The following MLLT3 variants were observed in gnomAD, a reference collection of about 807,000 sequenced individuals.
MLLT3 encodes the protein protein AF-9.
A neutral mutation model predicts 53.2 loss-of-function variants in MLLT3; 4 were observed. The ratio of observed to expected loss-of-function variants is 0.08; its 90% CI spans 0.04 to 0.17. The LOEUF (loss-of-function observed/expected upper bound fraction) is 0.17. Ranked by LOEUF, MLLT3 falls within the 10% of genes least tolerant of loss-of-function variation. The pLI is 1.00. For missense variants in MLLT3, 569 were observed against 684.0 expected (o/e 0.83, Z 1.87); for synonymous variants, 283 against 230.6 (o/e 1.23, Z -2.06).
Position 20,506,722 on chromosome 9 carries a change from T to C in MLLT3, c.194-49936A>G, listed in dbSNP as rs1490382404. Among the ~76,000 whole-genome samples, 3 of 152,336 alleles carry C rather than the reference T, an allele frequency of 2.0e-5. No individual in the cohort carries two copies. In the East Asian group the frequency reaches 5.8e-4, roughly 29 times the overall value. On this transcript the variant is annotated intron_variant, in intron 2 of 10. Transcript: ENST00000380338. The stretch of plus-strand genomic sequence containing the variant: ...ATAGCTAAAATGATTCTGAGCTGTC[T>C]TCTGTCATTCAAGATGAACTCTACA...
At chr9:20,595,810 C>T (rs1040199677) in intron 2 of MLLT3, among the ~76,000 whole-genome samples, 6 of 152,174 alleles carry the variant, frequency 3.9e-5, no homozygotes, top group African/African-American at 1.4e-4. Flanking sequence ...TTTTATCCCT[C>T]ACAAAAGCAC....
In MLLT3 at chr9:20,370,651, C is replaced by T. The variant is rs549161292; in HGVS notation, c.1126-4907G>A. On this transcript the variant is annotated intron_variant, in intron 5 of 10. Coordinates refer to ENST00000380338, the MANE Select transcript of MLLT3 (RefSeq NM_004529.4). Reference sequence around the variant, plus strand: ...TCAGCCTCCCGAGTAGCTGGGATTACAGGTGTGCACCAACACGCCTAGCTA... The same window carrying T: ...TCAGCCTCCCGAGTAGCTGGGATTATAGGTGTGCACCAACACGCCTAGCTA... Among the ~76,000 whole-genome samples the T allele has an allele frequency of 2.6e-5, 4 of 152,150 alleles. No homozygotes were observed. The South Asian group carries it at 6.2e-4, about 24-fold the overall frequency.
In MLLT3 at chr9:20,344,338, T is replaced by C. The variant is rs964780187; in HGVS notation, c.*2105A>G. 5.0e-6 allele frequency: 1 copy of C among 201,676 alleles called. No individual in the cohort carries two copies. Among genetic ancestry groups the C allele is most frequent in the African/African-American group, 2.3e-5 (1 of 43,640 alleles). The allele number at this position is 201,676 out of a possible 1,614,324, so 12.5% of individuals were successfully genotyped here. ...AACTACACAGATATATTAAATCACA[T>C]AAACTTCTGGCTTGATCAGAATATG... On this transcript the variant is annotated 3_prime_UTR_variant, in exon 11 of 11. Transcript: ENST00000380338.
Position 20,620,845 on chromosome 9 carries a change from G to C in MLLT3, c.13-11C>G, listed in dbSNP as rs754570232. 3 of 1,613,872 alleles carry C rather than the reference G, an allele frequency of 1.9e-6. No individual in the cohort carries two copies. Among genetic ancestry groups the C allele is most frequent in the Admixed American group, 3.3e-5 (2 of 60,006 alleles). On this transcript the variant is annotated splice_polypyrimidine_tract_variant and intron_variant, in intron 1 of 10. Coordinates refer to ENST00000380338, the MANE Select transcript of MLLT3 (RefSeq NM_004529.4). This position sits in a 1 kb window ranked among gnomAD's most constrained non-coding sequence, Gnocchi z 6.1. Reference sequence around the variant, plus strand: ...CACCTGCACGGCACACTGCGGGCAGGGGGAGGAGAGACAGCCGTGAATAAC... The same window carrying C: ...CACCTGCACGGCACACTGCGGGCAGCGGGAGGAGAGACAGCCGTGAATAAC...
chr9:20,448,060 GT>G lies in MLLT3; in HGVS notation c.420+62del, dbSNP rs111349071. 65,324 of 1,126,778 alleles carry G rather than the reference GT, an allele frequency of 0.058. 3,757 individuals carry two copies. Among genetic ancestry groups the G allele is most frequent in the African/African-American group, 0.35 (23,027 of 65,150 alleles). 69.8% of individuals were successfully genotyped at this position (1,126,778 alleles called of 1,614,324 possible). ...TAACACATGAGGAACTAGTTTGTTT[GT>G]TTTTTTTTTTGTTGTTGTTGTTTTT... On this transcript the variant is annotated intron_variant, in intron 4 of 10. Transcript: ENST00000380338. This position sits in a 1 kb window ranked among gnomAD's most constrained non-coding sequence, Gnocchi z 4.0.
At chr9:20,459,899 G>C (rs151204178) in intron 2 of MLLT3, among the ~76,000 whole-genome samples, 3 of 152,098 alleles carry the variant, frequency 2.0e-5, no homozygotes, top group African/African-American at 7.2e-5. Context: ...CAAACAACAG[G>C]AACTTTTTAC....
intron 5 of MLLT3, among the ~76,000 whole-genome samples, chr9:20,404,404 T>A (rs187141455): frequency 6.6e-6 from 1 of 152,346 alleles, no homozygotes; most frequent in East Asian, 1.9e-4. Flanking sequence ...ATATTTTGCT[T>A]GAACTAATAC....
rs548060629 is a variant in MLLT3, at chr9:20,502,215, C to T, written c.194-45429G>A. 3 of 154,070 alleles carry T rather than the reference C, an allele frequency of 1.9e-5. No individual in the cohort carries two copies. In the South Asian group the frequency reaches 6.1e-4, roughly 31 times the overall value. The allele number at this position is 154,070 out of a possible 1,614,324, so 9.5% of individuals were successfully genotyped here. Reference sequence around the variant, plus strand: ...AAAAATTCCAGAGTATACAGAATGCCTGGCTTGACAGGGCACCACAAATGA... The same window carrying T: ...AAAAATTCCAGAGTATACAGAATGCTTGGCTTGACAGGGCACCACAAATGA... On this transcript the variant is annotated intron_variant, in intron 2 of 10. Transcript: ENST00000380338.
At chr9:20,375,759 C>A (rs1320579680) in intron 5 of MLLT3, among the ~76,000 whole-genome samples, 1 of 151,986 alleles carries the variant, frequency 6.6e-6, no homozygotes, top group Admixed American at 6.5e-5. Flanking sequence ...CAGGCACCTG[C>A]CACCACGCCC....
In MLLT3 at chr9:20,344,279, A is replaced by C. The variant is rs73428486; in HGVS notation, c.*2164T>G. 5.0e-6 allele frequency: 1 copy of C among 200,150 alleles called. No individual in the cohort carries two copies. The highest frequency in any genetic ancestry group is 2.3e-5 in the African/African-American group (1 of 43,622). 12.4% of individuals were successfully genotyped at this position (200,150 alleles called of 1,614,324 possible). A position where few individuals can be genotyped will look rare whatever the true frequency, so the allele number is the denominator to read the frequency against. On this transcript the variant is annotated 3_prime_UTR_variant, in exon 11 of 11. Coordinates refer to ENST00000380338, the MANE Select transcript of MLLT3 (RefSeq NM_004529.4). Reference sequence around the variant, plus strand: ...CCCACAATTTAGTTACAGAAATAAAAATGGCCCAAACTACATATATACGTT... The same window carrying C: ...CCCACAATTTAGTTACAGAAATAAACATGGCCCAAACTACATATATACGTT...
chr9:20,387,495 C>T (rs1403858704), intron 5 of MLLT3, among the ~76,000 whole-genome samples: 1 of 151,888 alleles, frequency 6.6e-6, no homozygotes, highest in Admixed American at 6.6e-5. Context: ...AAGCTTAACT[C>T]CTTCACTAGC....
chr9:20,430,158 G>C (rs976501268), intron 4 of MLLT3, among the ~76,000 whole-genome samples: 1 of 151,984 alleles, frequency 6.6e-6, no homozygotes, highest in African/African-American at 2.4e-5. Context: ...AATAAATAAA[G>C]CATAAAACTA....
intron 4 of MLLT3, among the ~76,000 whole-genome samples, chr9:20,429,169 A>T (rs1047713165): frequency 6.6e-6 from 1 of 152,102 alleles, no homozygotes; most frequent in Non-Finnish European, 1.5e-5. Context: ...GAAGTTCAAG[A>T]CCAGCCTGGG....
At chr9:20,569,532 T>G (rs1243947976) in intron 2 of MLLT3, among the ~76,000 whole-genome samples, 1 of 152,174 alleles carries the variant, frequency 6.6e-6, no homozygotes, top group Non-Finnish European at 1.5e-5. Flanking sequence ...TCAGAGCTGT[T>G]AGAAAGACTA....
At chr9:20,481,898 C>A (rs1435597786) in intron 2 of MLLT3, among the ~76,000 whole-genome samples, 1 of 152,200 alleles carries the variant, frequency 6.6e-6, no homozygotes, top group Non-Finnish European at 1.5e-5. Flanking sequence ...AGCATTGCCA[C>A]TGATTTTGGC....
chr9:20,617,715 C>T (rs1226072368), intron 2 of MLLT3, among the ~76,000 whole-genome samples: 1 of 152,100 alleles, frequency 6.6e-6, no homozygotes, highest in Non-Finnish European at 1.5e-5. Flanking sequence ...TTTGTCATGG[C>T]TAATAGACAT....
At chr9:20,582,436 T>C (rs929261766) in intron 2 of MLLT3, among the ~76,000 whole-genome samples, 3 of 152,206 alleles carry the variant, frequency 2.0e-5, no homozygotes, top group South Asian at 2.1e-4. Context: ...ACTGAACTTT[T>C]TATTGTTTTC....
intron 2 of MLLT3, among the ~76,000 whole-genome samples, chr9:20,598,298 A>C (rs766310791): frequency 2.0e-5 from 3 of 152,218 alleles, no homozygotes; most frequent in Non-Finnish European, 2.9e-5. Flanking sequence ...GTTCCCAAAA[A>C]ACTCCGTTCC....
At chr9:20,543,777 A>G (rs1818709488) in intron 2 of MLLT3, among the ~76,000 whole-genome samples, 1 of 152,040 alleles carries the variant, frequency 6.6e-6, no homozygotes, top group Admixed American at 6.5e-5. Flanking sequence ...GAGGAGGAGG[A>G]AAAAAACTGA....
Sources: allele counts gnomAD v4.1 joint callset (sites outside exome capture counted in the v4.1 genomes callset), GRCh38; gene constraint gnomAD v4.1.1; non-coding constraint Gnocchi (gnomAD v3.1); transcripts MANE v1.5; gene names NCBI Gene and HGNC (gene_info 2026-07-23, HGNC 2026-07-21).